MIB1: variants seen among roughly 807,000 people sequenced by gnomAD.
MIB1 encodes E3 ubiquitin-protein ligase MIB1.
Under a neutral mutation model 124.5 loss-of-function variants are expected in MIB1, and 278 were observed. The ratio of observed to expected loss-of-function variants is 2.23; its 90% CI spans 2.02 to 2.47. MIB1 has a LOEUF of 2.47. Among genes scored for constraint, MIB1 ranks in the 30% most tolerant of loss-of-function variants. The pLI is 0.00. For synonymous variants in MIB1, 446 were observed against 429.4 expected, an observed-to-expected ratio of 1.04 and a Z score of -0.48; for missense variants, 957 against 1,254.4, an observed-to-expected ratio of 0.76 and a Z score of 3.58.
At chr18:21,798,891 A>G (rs2041616825) in intron 8 of MIB1, among the ~76,000 whole-genome samples, 1 of 152,138 alleles carries the variant, frequency 6.6e-6, no homozygotes, top group Non-Finnish European at 1.5e-5. Flanking sequence ...ATAAATAGTA[A>G]GAAACAAAAG....
At chr18:21,836,350 T>A (rs1035138586) in intron 12 of MIB1, among the ~76,000 whole-genome samples, 1 of 150,036 alleles carries the variant, frequency 6.7e-6, no homozygotes, top group African/African-American at 2.5e-5. Context: ...CTCCACTCAC[T>A]GCAAGCTCCA....
intron 1 of MIB1, among the ~76,000 whole-genome samples, chr18:21,711,258 C>T (rs1482870027): frequency 6.6e-6 from 1 of 151,996 alleles, no homozygotes; most frequent in Non-Finnish European, 1.5e-5. Flanking sequence ...ATTTTCCAGA[C>T]CCCACATTTT....
rs576824504 is a variant in MIB1, at chr18:21,713,397, G to A, written n.167+8274G>A. 2.9e-3 allele frequency among the ~76,000 whole-genome samples: 445 copies of A among 151,936 alleles called. 3 individuals carry two copies. Among genetic ancestry groups the A allele is most frequent in the African/African-American group, 0.01 (427 of 41,480 alleles). ...GAGGCCGAGACAGGTGGATCATGAGGTCAGGCATTCAAGACCAGCCTCGCC... is the reference window on the plus strand; with the variant it reads ...GAGGCCGAGACAGGTGGATCATGAGATCAGGCATTCAAGACCAGCCTCGCC... On this transcript the variant is annotated intron_variant and non_coding_transcript_variant, in intron 1 of 20. Coordinates refer to the MIB1 transcript ENST00000578646.
intron 1 of MIB1, among the ~76,000 whole-genome samples, chr18:21,763,326 C>G (rs1382303102): frequency 6.6e-6 from 1 of 152,152 alleles, no homozygotes; most frequent in Admixed American, 6.5e-5. Flanking sequence ...CATGTCTGAT[C>G]TTGTTAATTT....
At chr18:21,853,647 G>A (rs1158359313) in intron 18 of MIB1, among the ~76,000 whole-genome samples, 2 of 152,168 alleles carry the variant, frequency 1.3e-5, no homozygotes, top group African/African-American at 4.8e-5. Flanking sequence ...TTCTGGGGCT[G>A]TAATTTCTGG....
At chr18:21,746,641 C>G (rs1260359327) in intron 1 of MIB1, among the ~76,000 whole-genome samples, 1 of 152,128 alleles carries the variant, frequency 6.6e-6, no homozygotes, top group African/African-American at 2.4e-5. Flanking sequence ...TTTGTGTTCA[C>G]TTGACTACAG....
intron 12 of MIB1, 151 bp downstream of exon 12, chr18:21,819,797 A>G: frequency 2.3e-6 from 1 of 441,318 alleles, no homozygotes; most frequent in Non-Finnish European, 3.9e-6. Context: ...TTAGTTTTAT[A>G]TGATGATTAT....
At chr18:21,711,614 C>A (rs1253937110) in intron 1 of MIB1, among the ~76,000 whole-genome samples, 1 of 151,982 alleles carries the variant, frequency 6.6e-6, no homozygotes, top group African/African-American at 2.4e-5. Context: ...CCCCAGCAAT[C>A]TAACTCTAAA....
At chr18:21,823,514 GTC>G (rs1201726410) in intron 12 of MIB1, among the ~76,000 whole-genome samples, 2 of 152,104 alleles carry the variant, frequency 1.3e-5, no homozygotes, top group African/African-American at 4.8e-5. Flanking sequence ...GTCCTTTGAA[GTC>G]TCTATTTCAA....
intron 1 of MIB1, among the ~76,000 whole-genome samples, chr18:21,735,165 C>T (rs2040790640): frequency 6.6e-6 from 1 of 152,180 alleles, no homozygotes; most frequent in Admixed American, 6.5e-5. Flanking sequence ...CAGGTGATTT[C>T]TGCATTTCCA....
At chr18:21,706,900 T>C (rs1001143527) in intron 1 of MIB1, among the ~76,000 whole-genome samples, 2 of 151,948 alleles carry the variant, frequency 1.3e-5, no homozygotes, top group Non-Finnish European at 2.9e-5. Context: ...GGCTGAGGAG[T>C]GTGGGGCTGA....
intron 6 of MIB1, among the ~76,000 whole-genome samples, chr18:21,787,932 A>C (rs1393265542): frequency 6.6e-6 from 1 of 152,094 alleles, no homozygotes. Flanking sequence ...TTTAAGTAAA[A>C]TGCCTGCTCC....
chr18:21,754,594 A>G (rs141312533), intron 1 of MIB1, among the ~76,000 whole-genome samples: 53 of 152,308 alleles, frequency 3.5e-4, no homozygotes, highest in African/African-American at 1.3e-3. Context: ...AGACAGGTCA[A>G]AGAGAAGCCA....
chr18:21,859,913 G>GAAAAAAAAAAAAAAAAAAAAAAAAAAA (rs1347677474), intron 20 of MIB1, among the ~76,000 whole-genome samples: 1 of 137,610 alleles, frequency 7.3e-6, no homozygotes, highest in African/African-American at 2.8e-5. Flanking sequence ...AAAAAAAAAG[G>GAAAAAAAAAAAAAAAAAAAAAAAAAAA]AAAAATGTGT....
In MIB1 at chr18:21,741,709, C is replaced by G; in HGVS notation, c.126C>G (p.Phe42Leu). Residue 42 changes from phenylalanine to leucine, a missense_variant, in exon 1 of 21, where the codon TTC becomes TTG. Coordinates refer to ENST00000261537, the MANE Select transcript of MIB1 (RefSeq NM_020774.4). This position sits in a 1 kb window ranked among gnomAD's most constrained non-coding sequence, Gnocchi z 5.4. ...GEGHVGTVRS[F>L]ESPEEVVVVW... is the part of the protein sequence containing the mutation. ...GCCATGTGGGCACCGTCCGGAGCTT[C>G]GAGAGCCCCGAGGAGGTGGTGGTAG... 5 of 1,611,528 alleles carry G rather than the reference C, an allele frequency of 3.1e-6. No individual in the cohort carries two copies. Among genetic ancestry groups the G allele is most frequent in the Non-Finnish European group, 2.5e-6 (3 of 1,179,378 alleles).
intron 1 of MIB1, among the ~76,000 whole-genome samples, chr18:21,742,164 A>AT (rs2040861211): frequency 6.6e-6 from 1 of 152,118 alleles, no homozygotes; most frequent in Non-Finnish European, 1.5e-5. Flanking sequence ...CATTGAAATT[A>AT]ATCAGCCACC....
chr18:21,818,891 C>T (rs1405350163), intron 11 of MIB1, among the ~76,000 whole-genome samples: 2 of 152,002 alleles, frequency 1.3e-5, no homozygotes, highest in Middle Eastern at 3.4e-3. Context: ...GCTGAGATCG[C>T]GCTATTGTAC....
chr18:21,825,410 A>C (rs1383026197), intron 12 of MIB1: 1 of 284,408 alleles, frequency 3.5e-6, no homozygotes, highest in Non-Finnish European at 6.8e-6. Flanking sequence ...TGTTGTTATT[A>C]TGAAGCATAG....
chr18:21,813,095 TTA>T (rs922975883), intron 10 of MIB1, among the ~76,000 whole-genome samples: 1 of 152,132 alleles, frequency 6.6e-6, no homozygotes, highest in African/African-American at 2.4e-5. Context: ...GTGTTTATTT[TTA>T]TGTAAATTAT....
Sources: allele counts gnomAD v4.1 joint callset (sites outside exome capture counted in the v4.1 genomes callset), GRCh38; gene constraint gnomAD v4.1.1; non-coding constraint Gnocchi (gnomAD v3.1); transcripts MANE v1.5; gene names NCBI Gene and HGNC (gene_info 2026-07-23, HGNC 2026-07-21).